CTNNA2: variants seen among roughly 807,000 people sequenced by gnomAD.
CTNNA2 encodes the protein catenin alpha-2.
CTNNA2 carries 42 observed loss-of-function variants against 101.0 expected under a neutral mutation model. The observed-to-expected ratio is 0.42, with a 90% CI of 0.32 to 0.54. The LOEUF is 0.54. CTNNA2 is among the 20% of genes least tolerant of loss of function. The pLI is 0.14. For synonymous variants in CTNNA2, 450 were observed against 456.4 expected (o/e 0.99, Z 0.18); for missense variants, 871 against 1,223.1 (o/e 0.71, Z 4.29).
At chr2:79,507,652 T>G (rs1671442803) in intron 5 of CTNNA2, among the ~76,000 whole-genome samples, 1 of 152,180 alleles carries the variant, frequency 6.6e-6, no homozygotes, top group Non-Finnish European at 1.5e-5. Context: ...GATCAGACAT[T>G]TTTTAAATCA....
At chr2:80,558,131 C>T (rs1573258984) in intron 12 of CTNNA2, among the ~76,000 whole-genome samples, 1 of 152,184 alleles carries the variant, frequency 6.6e-6, no homozygotes, top group East Asian at 1.9e-4. Flanking sequence ...TTATATATAA[C>T]TTTAATTGAA....
chr2:79,240,220 T>C (rs1674609643), intron 2 of CTNNA2, among the ~76,000 whole-genome samples: 1 of 151,998 alleles, frequency 6.6e-6, no homozygotes, highest in Non-Finnish European at 1.5e-5. Flanking sequence ...GTTTTCTTTT[T>C]TTTTTTTTAA....
chr2:79,218,183 A>G (rs12994866), intron 2 of CTNNA2, among the ~76,000 whole-genome samples: 65,938 of 152,068 alleles, frequency 0.43, 15,528 homozygotes, highest in Non-Finnish European at 0.53. Flanking sequence ...CCCACAGAGC[A>G]GGCTGCCTGC....
At chr2:79,773,672 T>G (rs937470066) in intron 3 of CTNNA2, among the ~76,000 whole-genome samples, 4 of 152,126 alleles carry the variant, frequency 2.6e-5, no homozygotes, top group Non-Finnish European at 4.4e-5. Context: ...GATGTTTTTC[T>G]TTCACAGTAT....
chr2:80,562,377 A>G (rs1055786559), intron 12 of CTNNA2, among the ~76,000 whole-genome samples: 11 of 152,172 alleles, frequency 7.2e-5, no homozygotes, highest in Admixed American at 5.2e-4. Flanking sequence ...AAGTTGCTTG[A>G]ACTCTCTCAT....
intron 7 of CTNNA2, among the ~76,000 whole-genome samples, chr2:80,132,810 T>G (rs961128799): frequency 3.9e-5 from 6 of 152,100 alleles, no homozygotes; most frequent in African/African-American, 1.2e-4. Flanking sequence ...AGAAAAAAAT[T>G]TAAAAAGAAA....
intron 9 of CTNNA2, among the ~76,000 whole-genome samples, chr2:80,462,975 T>G (rs546046115): frequency 6.6e-6 from 1 of 152,268 alleles, no homozygotes; most frequent in East Asian, 1.9e-4. Flanking sequence ...CCTCCCTACT[T>G]AGTCGGCACA....
chr2:80,591,171 TTAAA>T (rs1696452950), intron 15 of CTNNA2, among the ~76,000 whole-genome samples: 1 of 152,190 alleles, frequency 6.6e-6, no homozygotes, highest in Admixed American at 6.5e-5. Flanking sequence ...TTACATGGTG[TTAAA>T]TAAGACACAT....
chr2:79,806,902 G>T (rs1676623203), intron 3 of CTNNA2, among the ~76,000 whole-genome samples: 1 of 151,938 alleles, frequency 6.6e-6, no homozygotes, highest in African/African-American at 2.4e-5. Flanking sequence ...CCTTCTTATG[G>T]ATATCTTATT....
chr2:79,981,267 G>A (rs600243), intron 7 of CTNNA2, among the ~76,000 whole-genome samples: 96,171 of 151,846 alleles, frequency 0.63, 30,944 homozygotes, highest in Non-Finnish European at 0.68. Context: ...TTAGACTAAG[G>A]GGAGATAAAA....
intron 7 of CTNNA2, among the ~76,000 whole-genome samples, chr2:80,156,812 T>C (rs1198781689): frequency 6.6e-6 from 1 of 152,216 alleles, no homozygotes; most frequent in Non-Finnish European, 1.5e-5. Flanking sequence ...ATCCTTCAGT[T>C]GGCAGAACCA....
intron 7 of CTNNA2, among the ~76,000 whole-genome samples, chr2:79,922,618 C>G (rs2104386351): frequency 6.7e-6 from 1 of 148,756 alleles, no homozygotes; most frequent in African/African-American, 2.5e-5. Context: ...CTTGTAAAAC[C>G]TTTAAAACCA....
At chr2:80,142,297 A>G (rs1025724243) in intron 7 of CTNNA2, among the ~76,000 whole-genome samples, 3 of 152,164 alleles carry the variant, frequency 2.0e-5, no homozygotes, top group African/African-American at 7.2e-5. Context: ...CTTCAGCGTT[A>G]GCTGCTCACC....
intron 9 of CTNNA2, among the ~76,000 whole-genome samples, chr2:80,509,057 G>A (rs1399611742): frequency 6.6e-6 from 1 of 152,158 alleles, no homozygotes; most frequent in Non-Finnish European, 1.5e-5. Flanking sequence ...TAAACAGAAG[G>A]TTTAGGTGCC....
At chr2:79,886,480 G>C (rs904905646) in intron 6 of CTNNA2, among the ~76,000 whole-genome samples, 1 of 151,792 alleles carries the variant, frequency 6.6e-6, no homozygotes, top group African/African-American at 2.4e-5. Context: ...AGCCAGGCGC[G>C]GTGGCTCACG....
chr2:79,549,624 T>C lies in CTNNA2; in HGVS notation c.-6+36417T>C, dbSNP rs76256770. On this transcript the variant is annotated intron_variant, in intron 1 of 18. Transcript: ENST00000402739. The stretch of plus-strand genomic sequence containing the variant: ...AGCTCAATGGCTAAATACATGAAGC[T>C]ATATTAATTTGTCATAATAAAAAAA... 7.7e-3 allele frequency among the ~76,000 whole-genome samples: 1,173 copies of C among 152,322 alleles called. 9 individuals are homozygous for C. The highest frequency in any genetic ancestry group is 0.018 in the South Asian group (85 of 4,826).
At chr2:80,565,333 C>T (rs1029757197) in intron 12 of CTNNA2, among the ~76,000 whole-genome samples, 5 of 152,006 alleles carry the variant, frequency 3.3e-5, no homozygotes, top group Non-Finnish European at 7.4e-5. Context: ...AAATCTTGTC[C>T]TGAGGGCAGA....
At chr2:79,424,400 C>A (rs1006204440) in intron 4 of CTNNA2, among the ~76,000 whole-genome samples, 5 of 152,068 alleles carry the variant, frequency 3.3e-5, no homozygotes, top group Non-Finnish European at 7.4e-5. Flanking sequence ...ATTGAACAGA[C>A]CAGTACATAG....
intron 2 of CTNNA2, among the ~76,000 whole-genome samples, chr2:79,702,588 G>T (rs1685085566): frequency 6.6e-6 from 1 of 152,090 alleles, no homozygotes; most frequent in African/African-American, 2.4e-5. Context: ...GTAACTAAAG[G>T]GTTTTAAGTG....
Sources: allele counts gnomAD v4.1 joint callset (sites outside exome capture counted in the v4.1 genomes callset), GRCh38; gene constraint gnomAD v4.1.1; transcripts MANE v1.5; gene names NCBI Gene and HGNC (gene_info 2026-07-23, HGNC 2026-07-21).